Variants in IGF1 observed in about 807,000 individuals in gnomAD.
IGF1 encodes insulin-like growth factor 1.
Under a neutral mutation model 13.8 loss-of-function variants are expected in IGF1, and 4 were observed. The observed-to-expected ratio is 0.29, with a 90% confidence interval of 0.14 to 0.66. The LOEUF (loss-of-function observed/expected upper bound fraction) is 0.66, where lower values mean the gene tolerates loss of function less well. Ranked by LOEUF, IGF1 falls within the 30% of genes least tolerant of loss-of-function variation. IGF1 has a pLI of 0.78. For missense variants in IGF1, 124 were observed against 188.5 expected (o/e 0.66, Z 2.00); for synonymous variants, 76 against 72.6 (o/e 1.05, Z -0.23).
intron 2 of IGF1, among the ~76,000 whole-genome samples, chr12:102,423,539 T>A (rs769982952): frequency 1.3e-5 from 2 of 152,234 alleles, no homozygotes; most frequent in Non-Finnish European, 2.9e-5. Context: ...CCACCACCTA[T>A]CCTAGACTTT....
rs552263949 is a variant in IGF1 at position 102,429,659 on chromosome 12, C to T, written c.221-9969G>A. ...CTTTTTAACAAATGTAATTATCCATCGAGAAAAATCTCTGATTTATTTTAC... is the reference window on the plus strand; with the variant it reads ...CTTTTTAACAAATGTAATTATCCATTGAGAAAAATCTCTGATTTATTTTAC... On this transcript the variant is annotated intron_variant, in intron 2 of 3. Coordinates refer to ENST00000337514, the MANE Select transcript of IGF1 (RefSeq NM_000618.5). Among the ~76,000 whole-genome samples the T allele has an allele frequency of 1.1e-4, 17 of 152,282 alleles. No homozygotes were observed. The East Asian group carries it at 1.7e-3, about 16-fold the overall frequency.
intron 2 of IGF1, among the ~76,000 whole-genome samples, chr12:102,451,777 T>G (rs1878958481): frequency 6.6e-6 from 1 of 152,150 alleles, no homozygotes; most frequent in South Asian, 2.1e-4. Context: ...GGTTTGGCTG[T>G]GTCCCCACCC....
At chr12:102,418,482 T>G (rs1275884334) in intron 3 of IGF1, among the ~76,000 whole-genome samples, 1 of 152,260 alleles carries the variant, frequency 6.6e-6, no homozygotes, top group Non-Finnish European at 1.5e-5. Context: ...CATGGTGAAC[T>G]TCTTGATCTC....
At chr12:102,460,812 A>G (rs998920565) in intron 2 of IGF1, among the ~76,000 whole-genome samples, 5 of 152,220 alleles carry the variant, frequency 3.3e-5, no homozygotes, top group Non-Finnish European at 5.9e-5. Flanking sequence ...AATCAAATAT[A>G]TAGTTTTGGT....
chr12:102,441,951 T>TCTTCTCCTTCTCCTTCTC (rs1877863230), intron 2 of IGF1, among the ~76,000 whole-genome samples: 1 of 143,566 alleles, frequency 7.0e-6, no homozygotes, highest in Admixed American at 7.5e-5. Flanking sequence ...TTCTTCTTCT[T>TCTTCTCCTTCTCCTTCTC]CTTCTTTTTT....
chr12:102,461,691 G>A (rs1262480711), intron 2 of IGF1, among the ~76,000 whole-genome samples: 3 of 152,144 alleles, frequency 2.0e-5, no homozygotes, highest in African/African-American at 7.2e-5. Context: ...TGCAGCTACA[G>A]CAATTAGAAG....
At chr12:102,408,843 A>ACT (rs768559212) in intron 3 of IGF1, among the ~76,000 whole-genome samples, 74 of 150,642 alleles carry the variant, frequency 4.9e-4, no homozygotes, top group Admixed American at 1.2e-3. Context: ...CAACCAATCT[A>ACT]CTCTCTCTCT....
At chr12:102,447,985 A>C (rs929339434) in intron 2 of IGF1, among the ~76,000 whole-genome samples, 1 of 152,186 alleles carries the variant, frequency 6.6e-6, no homozygotes, top group African/African-American at 2.4e-5. Context: ...GTGAACAGGC[A>C]ACCTACAGAA....
intron 2 of IGF1, among the ~76,000 whole-genome samples, chr12:102,441,951 T>TCTCCTTCTCCTTCTCCTTCTC (rs1877862632): frequency 7.0e-6 from 1 of 143,566 alleles, no homozygotes; most frequent in Admixed American, 7.5e-5. Flanking sequence ...TTCTTCTTCT[T>TCTCCTTCTCCTTCTCCTTCTC]CTTCTTTTTT....
chr12:102,410,130 C>A (rs1874506352), intron 3 of IGF1, among the ~76,000 whole-genome samples: 2 of 152,224 alleles, frequency 1.3e-5, no homozygotes, highest in South Asian at 4.1e-4. Flanking sequence ...TACCACCTGA[C>A]TCTATTTCAA....
chr12:102,429,801 T>G (rs1360972602), intron 2 of IGF1, among the ~76,000 whole-genome samples: 1 of 152,252 alleles, frequency 6.6e-6, no homozygotes, highest in Non-Finnish European at 1.5e-5. Flanking sequence ...CACATCACTC[T>G]GCTTTGGGAT....
intron 2 of IGF1, among the ~76,000 whole-genome samples, chr12:102,460,304 G>T (rs989919714): frequency 1.1e-4 from 17 of 152,202 alleles, no homozygotes; most frequent in African/African-American, 3.6e-4. Context: ...CATGTGCATA[G>T]AGCTGTGCTT....
chr12:102,439,082 G>A (rs960150826), intron 2 of IGF1, among the ~76,000 whole-genome samples: 3 of 152,224 alleles, frequency 2.0e-5, no homozygotes, highest in African/African-American at 7.2e-5. Flanking sequence ...TTTACACAGA[G>A]TAAGTGCTTA....
At chr12:102,446,377 A>G (rs1878329158) in intron 2 of IGF1, among the ~76,000 whole-genome samples, 1 of 152,070 alleles carries the variant, frequency 6.6e-6, no homozygotes, top group South Asian at 2.1e-4. Flanking sequence ...TTGGTAGGCT[A>G]TTAATTACTG....
At chr12:102,445,426 G>A (rs1168938970) in intron 2 of IGF1, among the ~76,000 whole-genome samples, 1 of 152,182 alleles carries the variant, frequency 6.6e-6, no homozygotes, top group Non-Finnish European at 1.5e-5. Context: ...GCAGTGGTTT[G>A]TAGTTCTCCT....
chr12:102,447,858 A>T (rs1434675790), intron 2 of IGF1, among the ~76,000 whole-genome samples: 2 of 152,238 alleles, frequency 1.3e-5, no homozygotes, highest in Non-Finnish European at 2.9e-5. Flanking sequence ...GGACATAGGC[A>T]TGGACAAACA....
At chr12:102,440,325 G>T (rs1877607309) in intron 2 of IGF1, among the ~76,000 whole-genome samples, 1 of 152,180 alleles carries the variant, frequency 6.6e-6, no homozygotes, top group African/African-American at 2.4e-5. Flanking sequence ...GGATGGGCCT[G>T]CTTCTCCATC....
At chr12:102,478,682 C>G in intron 1 of IGF1, 1 of 1,337,944 alleles carries the variant, frequency 7.5e-7, no homozygotes, top group Non-Finnish European at 9.6e-7. Context: ...TGCCTTTTGT[C>G]CATTGAAACA....
chr12:102,448,342 T>C (rs1437700282), intron 2 of IGF1, among the ~76,000 whole-genome samples: 23 of 149,982 alleles, frequency 1.5e-4, no homozygotes, highest in African/African-American at 5.2e-4. Context: ...ACATACACCA[T>C]GGAATACTAT....
Sources: allele counts gnomAD v4.1 joint callset (sites outside exome capture counted in the v4.1 genomes callset), GRCh38; gene constraint gnomAD v4.1.1; transcripts MANE v1.5; gene names NCBI Gene and HGNC (gene_info 2026-07-23, HGNC 2026-07-21).